Variants in CD99L2 observed in about 807,000 individuals in gnomAD.
The protein encoded by CD99L2 is CD99 antigen-like protein 2.
A neutral mutation model predicts 27.3 loss-of-function variants in CD99L2; 24 were observed. The observed-to-expected ratio is 0.88, with a 90% confidence interval of 0.64 to 1.24. The LOEUF (loss-of-function observed/expected upper bound fraction) is 1.24, where lower values mean the gene tolerates loss of function less well. Ranked by LOEUF, CD99L2 falls within the 50% of genes most tolerant of loss-of-function variation. The pLI, the probability that CD99L2 is intolerant of heterozygous loss-of-function variation, is 0.00. For synonymous variants in CD99L2, 97 were observed against 87.9 expected (o/e 1.10, Z -0.58); for missense variants, 255 against 221.6 (o/e 1.15, Z -0.96).
intron 1 of CD99L2, among the ~76,000 whole-genome samples, chrX:150,892,951 G>A (rs782724883): frequency 3.5e-4 from 39 of 111,555 alleles, no homozygotes; most frequent in Non-Finnish European, 6.8e-4. Flanking sequence ...GCGAAACCCC[G>A]TCTCTACTAA....
chrX:150,816,199 C>T, intron 2 of CD99L2, 121 bp from the exon 3 acceptor site: 1 of 629,415 alleles, frequency 1.6e-6, no homozygotes, highest in Non-Finnish European at 2.6e-6. Context: ...CTTGAGGCCC[C>T]TCTAGCTAGG....
chrX:150,860,992 A>T (rs143164032), intron 1 of CD99L2, among the ~76,000 whole-genome samples: 1,702 of 108,555 alleles, frequency 0.016, 41 homozygotes, highest in African/African-American at 0.055. Flanking sequence ...AACACAAAAA[A>T]TTAGCCGGGT....
chrX:150,781,822 T>C (rs781903555), intron 7 of CD99L2, among the ~76,000 whole-genome samples: 2 of 112,128 alleles, frequency 1.8e-5, no homozygotes, highest in African/African-American at 3.2e-5. Context: ...ACAGAGGCCC[T>C]GTAGAAAGGA....
chrX:150,859,499 CTT>C (rs111395631), intron 1 of CD99L2, among the ~76,000 whole-genome samples: 20 of 96,861 alleles, frequency 2.1e-4, no homozygotes, highest in East Asian at 1.3e-3. Flanking sequence ...AACTCTGTCT[CTT>C]TTTTTTTTTT....
intron 7 of CD99L2, among the ~76,000 whole-genome samples, chrX:150,779,228 T>G (rs1158057192): frequency 8.9e-6 from 1 of 111,965 alleles, no homozygotes; most frequent in Admixed American, 9.4e-5. Flanking sequence ...CAGGGACAAA[T>G]GGACAGAAGG....
intron 2 of CD99L2, 57 bp downstream of exon 2, chrX:150,831,174 T>C (rs993676751): frequency 2.2e-6 from 2 of 902,693 alleles, no homozygotes; most frequent in African/African-American, 4.0e-5. Context: ...TCTGAGTGGA[T>C]GATACACATT....
chrX:150,825,067 G>A (rs968680023), intron 2 of CD99L2, among the ~76,000 whole-genome samples: 2 of 111,919 alleles, frequency 1.8e-5, no homozygotes, highest in Non-Finnish European at 3.8e-5. Flanking sequence ...CATCAGTTTA[G>A]AGATAATTTT....
chrX:150,801,301 AG>A (rs2045902580), intron 4 of CD99L2, among the ~76,000 whole-genome samples: 1 of 111,978 alleles, frequency 8.9e-6, no homozygotes, highest in Non-Finnish European at 1.9e-5. Context: ...TAAAGAAAAG[AG>A]GTTTAATTGA....
intron 1 of CD99L2, 85 bp downstream of exon 1, chrX:150,898,436 GA>G: frequency 1.3e-6 from 1 of 795,766 alleles, no homozygotes. Context: ...GAGAGGCGGG[GA>G]CCGTGCCGCT....
At chrX:150,802,803 G>A (rs781870999) in intron 4 of CD99L2, among the ~76,000 whole-genome samples, 2 of 101,550 alleles carry the variant, frequency 2.0e-5, no homozygotes, top group Admixed American at 1.1e-4. Context: ...GGATGGTGTC[G>A]ATCTCCTGAC....
At chrX:150,787,552 A>G (rs2045613973) in intron 7 of CD99L2, among the ~76,000 whole-genome samples, 1 of 110,747 alleles carries the variant, frequency 9.0e-6, no homozygotes, top group Admixed American at 9.6e-5. Context: ...ACACCATGAA[A>G]TACTATGCAG....
intron 9 of CD99L2, among the ~76,000 whole-genome samples, 198 bp downstream of exon 9, chrX:150,775,976 C>T (rs1161667908): frequency 2.7e-5 from 3 of 112,412 alleles, no homozygotes; most frequent in African/African-American, 9.7e-5. Flanking sequence ...CGCGCTCTTG[C>T]AGGGTGGTTT....
chrX:150,865,148 A>G (rs1231720884), intron 1 of CD99L2, among the ~76,000 whole-genome samples: 1 of 110,797 alleles, frequency 9.0e-6, no homozygotes, highest in Admixed American at 9.7e-5. Flanking sequence ...GTGGTGCTTA[A>G]TGAGGAGAGG....
intron 4 of CD99L2, among the ~76,000 whole-genome samples, chrX:150,814,205 A>C (rs1489377116): frequency 2.7e-5 from 3 of 112,534 alleles, no homozygotes; most frequent in Non-Finnish European, 5.6e-5. Flanking sequence ...CCACGGAACC[A>C]AGTGTGCAAA....
chrX:150,770,737 G>A (rs782357949), intron 9 of CD99L2, among the ~76,000 whole-genome samples: 28 of 113,013 alleles, frequency 2.5e-4, no homozygotes, highest in African/African-American at 7.4e-4. Context: ...TGTGCGGCCC[G>A]GGGGCCAGGG....
chrX:150,773,060 GACAGAT>G (rs1420947646), intron 9 of CD99L2, among the ~76,000 whole-genome samples: 1 of 112,682 alleles, frequency 8.9e-6, no homozygotes, highest in Non-Finnish European at 1.9e-5. Flanking sequence ...GTCCCACAGA[GACAGAT>G]ACAATCAAGA....
intron 10 of CD99L2, 103 bp downstream of exon 10, chrX:150,770,201 A>T: frequency 6.3e-6 from 5 of 796,365 alleles, no homozygotes; most frequent in Non-Finnish European, 9.3e-6. Context: ...ACATTCTAGA[A>T]GCAGACGCCT....
At position 150,776,226 on chromosome X, in the gene CD99L2, G is replaced by A. The variant is rs374472810; in HGVS notation, c.603C>T (p.Ala201=). 2.5e-5 allele frequency: 30 copies of A among 1,210,068 alleles called. No homozygotes were observed. Among genetic ancestry groups the A allele is most frequent in the African/African-American group, 1.0e-4 (6 of 57,265 alleles). ...GCTGGTAGGAGATGTAGCTGGAGAC[G>A]GCACCGATGAGGGCCATGGCCAGGG... ...ASALAMALIG[A]VSSYISYQQK... is the part of the protein sequence containing the mutation. Residue 201 remains alanine (A), a synonymous_variant, in exon 9 of 11, where the codon GCC becomes GCT. Coordinates refer to ENST00000370377, the MANE Select transcript of CD99L2 (RefSeq NM_031462.4).
chrX:150,783,132 C>T (rs1256131419), intron 7 of CD99L2, among the ~76,000 whole-genome samples: 15 of 15,382 alleles, frequency 9.8e-4, no homozygotes, highest in African/African-American at 4.1e-3. Context: ...TATCACACAC[C>T]GGGGCCTGTC....
Sources: gnomAD v4.1 joint callset for allele counts (sites outside exome capture counted in the v4.1 genomes callset) on GRCh38, gnomAD v4.1.1 for gene constraint, MANE v1.5 for transcripts, NCBI Gene and HGNC (gene_info 2026-07-23, HGNC 2026-07-21) for gene names.